TENM4: variants seen among roughly 807,000 people sequenced by gnomAD.
TENM4 encodes teneurin transmembrane protein 4.
TENM4 carries 82 observed loss-of-function variants against 243.3 expected under a neutral mutation model. The ratio of observed to expected loss-of-function variants is 0.34; its 90% CI spans 0.28 to 0.40. The LOEUF (loss-of-function observed/expected upper bound fraction) is 0.40, where lower values mean the gene tolerates loss of function less well. TENM4 is among the 10% of genes least tolerant of loss of function. TENM4 has a pLI of 1.00. For synonymous variants in TENM4, 1,412 were observed against 1,456.3 expected (o/e 0.97, Z 0.69); for missense variants, 3,138 against 3,673.3 (o/e 0.85, Z 3.77).
intron 6 of TENM4, among the ~76,000 whole-genome samples, chr11:78,958,711 G>A (rs945210122): frequency 3.3e-5 from 5 of 152,204 alleles, no homozygotes; most frequent in Admixed American, 1.3e-4. Flanking sequence ...AGAGTCCAGC[G>A]CAAGCTCCCG....
chr11:79,423,864 A>T (rs540189056), intron 1 of TENM4, among the ~76,000 whole-genome samples: 1 of 152,250 alleles, frequency 6.6e-6, no homozygotes, highest in Non-Finnish European at 1.5e-5. Context: ...CTTTTGGAAA[A>T]TATGTTCTCA....
At chr11:79,368,794 T>A (rs1281536600) in intron 1 of TENM4, among the ~76,000 whole-genome samples, 2 of 152,234 alleles carry the variant, frequency 1.3e-5, no homozygotes, top group East Asian at 3.8e-4. Context: ...TTTATCACCA[T>A]CGTCATCATT....
In TENM4 at chr11:78,657,936, G is replaced by T; in HGVS notation, c.*122C>A. 1 of 1,447,940 alleles carries T rather than the reference G, an allele frequency of 6.9e-7. No individual in the cohort carries two copies. Among genetic ancestry groups the T allele is most frequent in the Non-Finnish European group, 9.7e-7 (1 of 1,035,626 alleles). 89.7% of individuals were successfully genotyped at this position (1,447,940 alleles called of 1,614,324 possible). A position where few individuals can be genotyped will look rare whatever the true frequency, so the allele number is the denominator to read the frequency against. The stretch of plus-strand genomic sequence containing the variant: ...AAAAGGATGTTGCATGAGTTACAAT[G>T]CAACCAGTATCTTTTTGTTTCTGCA... On this transcript the variant is annotated 3_prime_UTR_variant, in exon 34 of 34. Coordinates refer to ENST00000278550, the MANE Select transcript of TENM4 (RefSeq NM_001098816.3).
chr11:79,247,191 C>A (rs1414458663), intron 2 of TENM4, among the ~76,000 whole-genome samples: 4 of 151,694 alleles, frequency 2.6e-5, no homozygotes, highest in Admixed American at 1.3e-4. Context: ...TTAAGGTGGG[C>A]AGATTACCTG....
intron 1 of TENM4, among the ~76,000 whole-genome samples, chr11:79,393,223 G>A (rs1261588330): frequency 6.6e-6 from 1 of 152,052 alleles, no homozygotes; most frequent in African/African-American, 2.4e-5. Flanking sequence ...GAATATAAGA[G>A]GAGTCTCAGA....
At chr11:79,069,658 G>A in intron 5 of TENM4, 64 bp downstream of exon 5, 1 of 1,494,812 alleles carries the variant, frequency 6.7e-7, no homozygotes, top group Non-Finnish European at 8.9e-7. Context: ...GCCCACCCGA[G>A]CCCATGCCTA....
chr11:78,896,920 C>G (rs967897314), intron 7 of TENM4, among the ~76,000 whole-genome samples: 6 of 152,278 alleles, frequency 3.9e-5, no homozygotes, highest in South Asian at 4.1e-4. Flanking sequence ...AGAGTGAAGA[C>G]AGCAGCCCTG....
chr11:78,854,447 G>T, intron 11 of TENM4, 133 bp from the exon 12 acceptor site: 3 of 727,964 alleles, frequency 4.1e-6, no homozygotes, highest in Non-Finnish European at 6.0e-6. Flanking sequence ...GGCTAAGGGT[G>T]CAGGAAGGTT....
chr11:79,086,214 C>G (rs73506617), intron 4 of TENM4, among the ~76,000 whole-genome samples: 2 of 152,196 alleles, frequency 1.3e-5, no homozygotes, highest in African/African-American at 4.8e-5. Context: ...TTTGGGATTG[C>G]CTTCTCCCCC....
intron 6 of TENM4, among the ~76,000 whole-genome samples, chr11:79,014,992 A>G (rs1858736379): frequency 6.6e-6 from 1 of 152,210 alleles, no homozygotes; most frequent in East Asian, 1.9e-4. Context: ...TTTAGGATCC[A>G]CTCATCCCTG....
intron 3 of TENM4, among the ~76,000 whole-genome samples, chr11:79,209,587 C>A (rs74590609): frequency 1.3e-5 from 2 of 152,124 alleles, no homozygotes; most frequent in Non-Finnish European, 2.9e-5. Flanking sequence ...ATGGGGAGGC[C>A]GCGGGCATCC....
intron 6 of TENM4, among the ~76,000 whole-genome samples, chr11:78,985,860 C>T (rs1032012104): frequency 3.3e-5 from 5 of 152,176 alleles, no homozygotes; most frequent in African/African-American, 1.2e-4. Context: ...CAGCTTTGCC[C>T]AGGCTCCCCC....
chr11:79,253,561 C>T (rs975283626), intron 2 of TENM4, among the ~76,000 whole-genome samples: 3 of 152,166 alleles, frequency 2.0e-5, no homozygotes, highest in African/African-American at 7.2e-5. Context: ...ACAGCTGATC[C>T]GCGTCTTAGT....
intron 4 of TENM4, among the ~76,000 whole-genome samples, chr11:79,099,616 A>G (rs1168618175): frequency 6.6e-6 from 1 of 152,164 alleles, no homozygotes; most frequent in Non-Finnish European, 1.5e-5. Flanking sequence ...TTTTCAGTAG[A>G]GCTTCTCAGG....
chr11:78,707,286 C>A (rs916294010), intron 27 of TENM4, among the ~76,000 whole-genome samples: 1 of 152,270 alleles, frequency 6.6e-6, no homozygotes, highest in African/African-American at 2.4e-5. Flanking sequence ...GCCACTGATT[C>A]AGCATGGGCC....
At chr11:78,940,764 A>G (rs1856874767) in intron 6 of TENM4, among the ~76,000 whole-genome samples, 2 of 152,172 alleles carry the variant, frequency 1.3e-5, no homozygotes, top group Admixed American at 1.3e-4. Flanking sequence ...TGCCATGGTG[A>G]CAGATGAAAG....
chr11:79,245,428 C>T (rs1203233902), intron 2 of TENM4, among the ~76,000 whole-genome samples: 1 of 152,148 alleles, frequency 6.6e-6, no homozygotes, highest in Non-Finnish European at 1.5e-5. Context: ...GGTGCCCTCC[C>T]TAGAGGGAAA....
At chr11:79,342,297 C>T (rs542327663) in intron 1 of TENM4, among the ~76,000 whole-genome samples, 6 of 152,092 alleles carry the variant, frequency 3.9e-5, no homozygotes, top group East Asian at 1.9e-4. Flanking sequence ...CTGCATGGAC[C>T]GCGATGAGAT....
At position 78,657,011 on chromosome 11, in the gene TENM4, A is replaced by G. The variant is rs1590915305; in HGVS notation, c.*1047T>C. ...CTCAGTGGTGGCGGCTGAGTGGTGGAGGGAAGATACTCAAAGTCATAGAGA... is the reference window on the plus strand; with the variant it reads ...CTCAGTGGTGGCGGCTGAGTGGTGGGGGGAAGATACTCAAAGTCATAGAGA... On this transcript the variant is annotated 3_prime_UTR_variant, in exon 34 of 34. Transcript: ENST00000278550. The G allele has an allele frequency of 2.5e-6, 1 of 398,430 alleles. No homozygotes were observed. The highest frequency in any genetic ancestry group is 4.4e-5 in the Admixed American group (1 of 22,712). 24.7% of individuals were successfully genotyped at this position (398,430 alleles called of 1,614,324 possible).
Sources: allele counts gnomAD v4.1 joint callset (sites outside exome capture counted in the v4.1 genomes callset), GRCh38; gene constraint gnomAD v4.1.1; transcripts MANE v1.5; gene names NCBI Gene and HGNC (gene_info 2026-07-23, HGNC 2026-07-21).